ANO3: variants seen among roughly 807,000 people sequenced by gnomAD.
The protein encoded by ANO3 is anoctamin-3.
A neutral mutation model predicts 144.8 loss-of-function variants in ANO3; 99 were observed. That is an observed-to-expected ratio of 0.68 (90% CI 0.58 to 0.81). ANO3 has a LOEUF of 0.81. ANO3 is among the 30% of genes least tolerant of loss of function. The probability of loss-of-function intolerance (pLI) is 0.00; values close to 1 mark genes in which losing one functional copy is unlikely to be tolerated. For synonymous variants in ANO3, 414 were observed against 392.6 expected (o/e 1.05, Z -0.64); for missense variants, 905 against 1,202.2 (o/e 0.75, Z 3.66).
At chr11:26,479,247 A>G (rs560895684) in intron 4 of ANO3, among the ~76,000 whole-genome samples, 1 of 152,286 alleles carries the variant, frequency 6.6e-6, no homozygotes, top group South Asian at 2.1e-4. Flanking sequence ...ATTGGTTCAA[A>G]TTAGATTTCT....
chr11:26,190,200 A>G (rs1362798308), intron 1 of ANO3, among the ~76,000 whole-genome samples: 1 of 152,158 alleles, frequency 6.6e-6, no homozygotes, highest in Non-Finnish European at 1.5e-5. Context: ...GTCACATGAA[A>G]AATCTTGTAG....
chr11:26,288,373 C>G (rs1208245476), intron 1 of ANO3, among the ~76,000 whole-genome samples: 1 of 152,168 alleles, frequency 6.6e-6, no homozygotes, highest in South Asian at 2.1e-4. Context: ...TGTCAGCTGG[C>G]AGTAACAGTG....
intron 5 of ANO3, among the ~76,000 whole-genome samples, chr11:26,509,240 C>T (rs1244584823): frequency 6.6e-6 from 1 of 151,938 alleles, no homozygotes; most frequent in Non-Finnish European, 1.5e-5. Context: ...TAGAGATTTA[C>T]CCAGCTGTTC....
chr11:26,448,194 G>A (rs1008402458), intron 3 of ANO3, among the ~76,000 whole-genome samples: 1 of 151,872 alleles, frequency 6.6e-6, no homozygotes, highest in Admixed American at 6.6e-5. Context: ...AGCTACTAGG[G>A]AGGCTGAGGC....
At chr11:26,200,514 C>T (rs1393850723) in intron 1 of ANO3, among the ~76,000 whole-genome samples, 1 of 152,044 alleles carries the variant, frequency 6.6e-6, no homozygotes, top group African/African-American at 2.4e-5. Flanking sequence ...TCTTCTGTGC[C>T]ACACTGGGTT....
chr11:26,542,684 G>A (rs181614224), intron 11 of ANO3, among the ~76,000 whole-genome samples: 164 of 152,220 alleles, frequency 1.1e-3, no homozygotes, highest in African/African-American at 3.7e-3. Flanking sequence ...ACTTCAGGAT[G>A]CATATTCTAG....
chr11:26,214,984 A>T (rs1467301601), intron 1 of ANO3, among the ~76,000 whole-genome samples: 1 of 151,906 alleles, frequency 6.6e-6, no homozygotes, highest in Admixed American at 6.6e-5. Flanking sequence ...TTAGACCAGG[A>T]TTATGTATTT....
intron 5 of ANO3, among the ~76,000 whole-genome samples, chr11:26,509,734 C>A (rs1350052236): frequency 6.6e-6 from 1 of 152,062 alleles, no homozygotes; most frequent in Non-Finnish European, 1.5e-5. Context: ...GGTTAATAGG[C>A]ACTTAGATAT....
intron 1 of ANO3, among the ~76,000 whole-genome samples, chr11:26,339,973 A>G (rs1855311177): frequency 1.3e-5 from 2 of 152,190 alleles, no homozygotes; most frequent in South Asian, 4.1e-4. Context: ...TGAATCTCCC[A>G]TATTCACCTC....
intron 3 of ANO3, chr11:26,460,064 G>A (rs2047099): frequency 0.96 from 431,037 of 449,672 alleles, 206,828 homozygotes; most frequent in East Asian, 1. Flanking sequence ...TTAGAGATCA[G>A]ATTTCAACAT....
At chr11:26,556,051 T>A (rs1850073374) in intron 13 of ANO3, among the ~76,000 whole-genome samples, 4 of 152,174 alleles carry the variant, frequency 2.6e-5, no homozygotes, top group Non-Finnish European at 5.9e-5. Flanking sequence ...GCATGGAAAA[T>A]AACTGGTCCT....
chr11:26,194,206 G>A (rs1399736468), intron 1 of ANO3, among the ~76,000 whole-genome samples: 1 of 152,004 alleles, frequency 6.6e-6, no homozygotes, highest in Non-Finnish European at 1.5e-5. Context: ...TTTATATGAG[G>A]CAAATTGCAA....
intron 1 of ANO3, among the ~76,000 whole-genome samples, chr11:26,317,643 C>G (rs1206599435): frequency 1.3e-5 from 2 of 152,170 alleles, no homozygotes; most frequent in Non-Finnish European, 2.9e-5. Context: ...AATAGGAACG[C>G]TTTTACACTG....
chr11:26,507,018 G>A (rs1861461160), intron 4 of ANO3, among the ~76,000 whole-genome samples: 3 of 152,186 alleles, frequency 2.0e-5, no homozygotes, highest in Admixed American at 2.0e-4. Context: ...TAGAGAGTTG[G>A]TACAGATGTC....
intron 14 of ANO3, 43 bp from the exon 15 acceptor site, chr11:26,598,322 T>C: frequency 2.9e-6 from 3 of 1,041,216 alleles, no homozygotes; most frequent in Admixed American, 2.6e-5. Flanking sequence ...AAAAGCAATA[T>C]GATGTGATTT....
intron 4 of ANO3, among the ~76,000 whole-genome samples, chr11:26,502,231 A>AT (rs952646886): frequency 1.3e-5 from 2 of 152,104 alleles, no homozygotes; most frequent in South Asian, 2.1e-4. Flanking sequence ...GTTTTACCTG[A>AT]TTTTTTTTAG....
intron 1 of ANO3, among the ~76,000 whole-genome samples, chr11:26,414,641 G>T (rs1282207260): frequency 6.6e-6 from 1 of 151,614 alleles, no homozygotes; most frequent in African/African-American, 2.4e-5. Flanking sequence ...CCTAATGCTT[G>T]CAGGGCTTAA....
At chr11:26,251,531 C>A (rs1852926824) in intron 1 of ANO3, among the ~76,000 whole-genome samples, 1 of 152,150 alleles carries the variant, frequency 6.6e-6, no homozygotes, top group Admixed American at 6.5e-5. Flanking sequence ...ATGAGATAAT[C>A]TGTTTCTCTG....
chr11:26,293,530 C>CATATATATAT lies in ANO3; in HGVS notation c.155-16113_155-16112insATATATATAT, dbSNP rs375743472. ...CAGTCTAGAGTGGGTCTATAAATTC[C>CATATATATAT]ATGTATATATATATATATATATATA... On this transcript the variant is annotated intron_variant, in intron 1 of 27. Transcript: ENST00000672621. Among the ~76,000 whole-genome samples, 55 of 62,420 alleles carry CATATATATAT rather than the reference C, an allele frequency of 8.8e-4. 7 individuals are homozygous for CATATATATAT. The highest frequency in any genetic ancestry group is 2.3e-3 in the South Asian group (4 of 1,704). The allele number at this position is 62,420 out of a possible 152,430, so 40.9% of individuals were successfully genotyped here.
Sources: allele counts gnomAD v4.1 joint callset (sites outside exome capture counted in the v4.1 genomes callset), GRCh38; gene constraint gnomAD v4.1.1; transcripts MANE v1.5; gene names NCBI Gene and HGNC (gene_info 2026-07-23, HGNC 2026-07-21).